Variants in HS6ST2 observed in about 807,000 individuals in gnomAD.
The protein encoded by HS6ST2 is heparan sulfate 6-O-sulfotransferase 2.
A neutral mutation model predicts 33.0 loss-of-function variants in HS6ST2; 17 were observed. That is an observed-to-expected ratio of 0.52 (90% CI 0.35 to 0.77). The LOEUF is 0.77. HS6ST2 is among the 30% of genes least tolerant of loss of function. The pLI, the probability that HS6ST2 is intolerant of heterozygous loss-of-function variation, is 0.01. For missense variants in HS6ST2, 519 were observed against 551.7 expected, an observed-to-expected ratio of 0.94 and a Z score of 0.59; for synonymous variants, 248 against 237.1, an observed-to-expected ratio of 1.05 and a Z score of -0.42.
chrX:132,800,102 A>G (rs2065220276), intron 2 of HS6ST2, among the ~76,000 whole-genome samples: 2 of 112,099 alleles, frequency 1.8e-5, no homozygotes, highest in African/African-American at 6.5e-5. Context: ...CGGGTCACAC[A>G]GCAGGAGGTG....
At chrX:132,869,468 G>A (rs751350981) in intron 2 of HS6ST2, among the ~76,000 whole-genome samples, 2 of 111,674 alleles carry the variant, frequency 1.8e-5, no homozygotes, top group Non-Finnish European at 3.8e-5. Flanking sequence ...AACAAAAAAA[G>A]AAAATTTCAG....
intron 2 of HS6ST2, among the ~76,000 whole-genome samples, chrX:132,721,690 T>G (rs1030110750): frequency 8.0e-5 from 9 of 112,353 alleles, no homozygotes; most frequent in African/African-American, 2.9e-4. Flanking sequence ...CTGAAGTGGT[T>G]GAATTATACT....
chrX:132,668,728 A>T (rs773633852), intron 4 of HS6ST2, among the ~76,000 whole-genome samples: 1 of 111,975 alleles, frequency 8.9e-6, no homozygotes, highest in East Asian at 2.8e-4. Context: ...CAGTGTATGG[A>T]TCAGGACAGG....
intron 2 of HS6ST2, among the ~76,000 whole-genome samples, chrX:132,882,038 T>C (rs1484359212): frequency 2.7e-5 from 3 of 111,785 alleles, no homozygotes; most frequent in Non-Finnish European, 5.6e-5. Flanking sequence ...CCTTGTAGTA[T>C]AGTTTGATGT....
At chrX:132,803,532 C>T (rs1289584090) in intron 2 of HS6ST2, among the ~76,000 whole-genome samples, 4 of 111,714 alleles carry the variant, frequency 3.6e-5, no homozygotes, top group East Asian at 2.8e-4. Context: ...CCTTAGCCTC[C>T]TGAGTAACTG....
intron 3 of HS6ST2, among the ~76,000 whole-genome samples, chrX:132,703,169 G>A (rs1315478248): frequency 8.9e-6 from 1 of 112,184 alleles, no homozygotes; most frequent in African/African-American, 3.2e-5. Context: ...ACAGAGGGTG[G>A]CTGCCATCTA....
At chrX:132,674,535 G>A (rs950554166) in intron 3 of HS6ST2, among the ~76,000 whole-genome samples, 1 of 111,945 alleles carries the variant, frequency 8.9e-6, no homozygotes, top group Admixed American at 9.5e-5. Flanking sequence ...ATCAGGGACT[G>A]CAGCAATGGG....
chrX:132,846,697 C>T (rs1246013517), intron 2 of HS6ST2, among the ~76,000 whole-genome samples: 1 of 110,891 alleles, frequency 9.0e-6, no homozygotes, highest in Non-Finnish European at 1.9e-5. Flanking sequence ...ACCCCATGCT[C>T]TTATGAGTGT....
chrX:132,842,825 G>A (rs988253103), intron 2 of HS6ST2, among the ~76,000 whole-genome samples: 1 of 112,063 alleles, frequency 8.9e-6, no homozygotes, highest in African/African-American at 3.2e-5. Context: ...AACCAGAGGG[G>A]GATCTCTAGC....
chrX:132,634,496 C>T (rs1432149701), intron 4 of HS6ST2, among the ~76,000 whole-genome samples: 1 of 112,076 alleles, frequency 8.9e-6, no homozygotes, highest in East Asian at 2.8e-4. Flanking sequence ...AATTGAATGG[C>T]TGATTGGTGC....
intron 2 of HS6ST2, among the ~76,000 whole-genome samples, chrX:132,798,010 CT>C (rs2065199683): frequency 2.1e-5 from 1 of 46,796 alleles, no homozygotes. Context: ...GAGACTTTGT[CT>C]CAAAAAAAAA....
intron 2 of HS6ST2, among the ~76,000 whole-genome samples, chrX:132,865,427 G>A (rs769732817): frequency 1.4e-4 from 15 of 109,449 alleles, no homozygotes; most frequent in Admixed American, 5.9e-4. Flanking sequence ...GAATAATGCC[G>A]CAATAAACAT....
intron 2 of HS6ST2, among the ~76,000 whole-genome samples, chrX:132,727,243 G>T (rs181374943): frequency 9.8e-6 from 1 of 102,548 alleles, no homozygotes; most frequent in African/African-American, 3.6e-5. Flanking sequence ...TATTGGGGGG[G>T]GGGGCATAGA....
chrX:132,914,242 A>G (rs1042639917), intron 2 of HS6ST2, among the ~76,000 whole-genome samples: 3 of 112,471 alleles, frequency 2.7e-5, no homozygotes, highest in African/African-American at 9.7e-5. Context: ...CTTCCCTGAC[A>G]GTGTGCTTTC....
In HS6ST2 at chrX:132,749,184, C is replaced by T. The variant is rs189125805; in HGVS notation, c.948-40690G>A. Among the ~76,000 whole-genome samples the T allele has an allele frequency of 3.8e-4, 43 of 112,195 alleles. 1 individual carries two copies. The Middle Eastern group carries it at 0.032, about 83-fold the overall frequency. On this transcript the variant is annotated intron_variant, in intron 2 of 4. Coordinates refer to ENST00000370833, the MANE Select transcript of HS6ST2 (RefSeq NM_001394073.1). ...TTCTCACAGCACACTTTGTTCTTGC[C>T]GCTACCATGGCACTTATTACATTAC... is the stretch of plus-strand genomic sequence containing the variant.
intron 2 of HS6ST2, among the ~76,000 whole-genome samples, chrX:132,949,561 G>A (rs1361599934): frequency 9.1e-6 from 1 of 110,007 alleles, no homozygotes; most frequent in Non-Finnish European, 1.9e-5. Context: ...TAGGGCTGAG[G>A]CTACTCTCCT....
chrX:132,685,342 T>TATTA (rs1444139066), intron 3 of HS6ST2, among the ~76,000 whole-genome samples: 2 of 111,773 alleles, frequency 1.8e-5, no homozygotes, highest in African/African-American at 6.5e-5. Flanking sequence ...AAGCAAGATA[T>TATTA]ATTAATTAAA....
chrX:132,895,186 G>A (rs780618273), intron 2 of HS6ST2, among the ~76,000 whole-genome samples: 2 of 111,613 alleles, frequency 1.8e-5, no homozygotes, highest in South Asian at 7.6e-4. Flanking sequence ...CAGGGAGCAT[G>A]CCACCAGGAA....
chrX:132,821,678 C>T (rs776910583), intron 2 of HS6ST2, among the ~76,000 whole-genome samples: 6 of 111,240 alleles, frequency 5.4e-5, no homozygotes, highest in Non-Finnish European at 7.5e-5. Flanking sequence ...ACAAATATAA[C>T]AGCTAATACT....
Sources: allele counts gnomAD v4.1 joint callset (sites outside exome capture counted in the v4.1 genomes callset), GRCh38; gene constraint gnomAD v4.1.1; transcripts MANE v1.5; gene names NCBI Gene and HGNC (gene_info 2026-07-23, HGNC 2026-07-21).